Variants in KDM2B observed in about 807,000 individuals in gnomAD.
KDM2B encodes lysine demethylase 2B.
Under a neutral mutation model 150.0 loss-of-function variants are expected in KDM2B, and 26 were observed. The ratio of observed to expected loss-of-function variants is 0.17; its 90% CI spans 0.13 to 0.24. The LOEUF is 0.24. KDM2B is among the 10% of genes least tolerant of loss of function. The pLI, the probability that KDM2B is intolerant of heterozygous loss-of-function variation, is 1.00. For synonymous variants in KDM2B, 734 were observed against 729.5 expected (o/e 1.01, Z -0.10); for missense variants, 1,265 against 1,816.9 (o/e 0.70, Z 5.52).
rs1877975424 is a variant in KDM2B, at chr12:121,454,864, G to T, written c.1735-1520C>A. On this transcript the variant is annotated intron_variant, in intron 12 of 22. Transcript: ENST00000377071. ...GCTGTTACTATTCATACACTCCAATGGAGAAGAAGGTCCACATCACAGGGA... is the reference window on the plus strand; with the variant it reads ...GCTGTTACTATTCATACACTCCAATTGAGAAGAAGGTCCACATCACAGGGA... Among the ~76,000 whole-genome samples, 5 of 152,202 alleles carry T rather than the reference G, an allele frequency of 3.3e-5. No homozygotes were observed. In the South Asian group the frequency reaches 1.0e-3, roughly 32 times the overall value.
chr12:121,535,550 C>T lies in KDM2B; in HGVS notation c.684-960G>A, dbSNP rs560260919. 3.3e-5 allele frequency among the ~76,000 whole-genome samples: 5 copies of T among 152,234 alleles called. No individual in the cohort carries two copies. In the South Asian group the frequency reaches 1.0e-3, roughly 32 times the overall value. ...AATTGTACACTTTTACATGGGTGAA[C>T]GGTCTGTGAATTATGTCTCAGTAAG... On this transcript the variant is annotated intron_variant, in intron 6 of 22. Transcript: ENST00000377071.
At position 121,581,018 on chromosome 12, in the gene KDM2B, A is replaced by G. The variant is rs1473643633; in HGVS notation, c.-107T>C. The G allele has an allele frequency of 2.1e-6, 3 of 1,444,978 alleles. No homozygotes were observed. In the African/African-American group the frequency reaches 4.3e-5, roughly 21 times the overall value. The allele number at this position is 1,444,978 out of a possible 1,614,324, so 89.5% of individuals were successfully genotyped here. A position where few individuals can be genotyped will look rare whatever the true frequency, so the allele number is the denominator to read the frequency against. On this transcript the variant is annotated 5_prime_UTR_variant, in exon 1 of 23. Coordinates refer to ENST00000377071, the MANE Select transcript of KDM2B (RefSeq NM_032590.5). ...GGCACTCAAAGATGTGGACACACAC[A>G]CGTACAGGAAATACAGCCAGACCAG...
At chr12:121,524,434 G>A (rs1300882274) in intron 8 of KDM2B, among the ~76,000 whole-genome samples, 1 of 152,204 alleles carries the variant, frequency 6.6e-6, no homozygotes, top group African/African-American at 2.4e-5. Context: ...GAACACAGAG[G>A]AGAGCTGCTG....
intron 2 of KDM2B, among the ~76,000 whole-genome samples, chr12:121,578,253 C>T (rs1296454526): frequency 1.3e-5 from 2 of 152,204 alleles, no homozygotes; most frequent in Non-Finnish European, 2.9e-5. Flanking sequence ...CTGGCAGAGC[C>T]CATGGGGGAA....
At chr12:121,417,736 T>A in the KDM2B span, 1 of 1,614,190 alleles carries the variant, frequency 6.2e-7, no homozygotes, top group East Asian at 2.2e-5. The surrounding 1 kb of genome is among the most constrained non-coding windows in gnomAD (Gnocchi z 5.0). Flanking sequence ...CATCATGGAC[T>A]AGGCTCTGAG....
chr12:121,489,801 T>A (rs1228155291), intron 12 of KDM2B, among the ~76,000 whole-genome samples: 2 of 152,106 alleles, frequency 1.3e-5, no homozygotes, highest in Non-Finnish European at 2.9e-5. Flanking sequence ...ATGTGCTACG[T>A]CAAGTGCGGG....
intron 4 of KDM2B, among the ~76,000 whole-genome samples, chr12:121,552,754 C>T (rs1187655065): frequency 1.3e-5 from 2 of 151,922 alleles, no homozygotes; most frequent in Non-Finnish European, 2.9e-5. Flanking sequence ...GCAGTGGATC[C>T]AGGGGAAAGC....
chr12:121,518,856 G>C lies in KDM2B; in HGVS notation c.1047+2129C>G, dbSNP rs1414992425. On this transcript the variant is annotated intron_variant, in intron 9 of 22. Coordinates refer to ENST00000377071, the MANE Select transcript of KDM2B (RefSeq NM_032590.5). The surrounding 1 kb of genome is among the most constrained non-coding windows in gnomAD (Gnocchi z 4.4). ...CAAACTGGCCTGTACTCCAGGACAGGCCAAAGAACAGTTGGCCGGAGCCCC... is the reference window on the plus strand; with the variant it reads ...CAAACTGGCCTGTACTCCAGGACAGCCCAAAGAACAGTTGGCCGGAGCCCC... Among the ~76,000 whole-genome samples the C allele has an allele frequency of 6.6e-6, 1 of 152,136 alleles. No homozygotes were observed. Among genetic ancestry groups the C allele is most frequent in the Non-Finnish European group, 1.5e-5 (1 of 68,018 alleles).
chr12:121,490,973 T>C (rs558096896), intron 12 of KDM2B, among the ~76,000 whole-genome samples: 16 of 152,298 alleles, frequency 1.1e-4, no homozygotes, highest in Non-Finnish European at 1.8e-4. Context: ...CCTTGATCTT[T>C]CACCCCAACC....
At chr12:121,501,708 C>T (rs1462892867) in intron 11 of KDM2B, among the ~76,000 whole-genome samples, 5 of 151,994 alleles carry the variant, frequency 3.3e-5, no homozygotes, top group Non-Finnish European at 5.9e-5. Context: ...GCAACCTCCG[C>T]CTCCTGGGTT....
intron 6 of KDM2B, among the ~76,000 whole-genome samples, chr12:121,541,873 T>C (rs1888639446): frequency 1.3e-5 from 2 of 152,062 alleles, no homozygotes; most frequent in South Asian, 4.2e-4. Context: ...CTAATCCACT[T>C]CTGGAATCTA....
intron 4 of KDM2B, 104 bp downstream of exon 4, chr12:121,574,443 T>G: frequency 9.3e-7 from 1 of 1,076,600 alleles, no homozygotes; most frequent in South Asian, 1.4e-5. Flanking sequence ...CGTGGGGACT[T>G]TGTTTTGAGA....
chr12:121,541,213 C>T (rs1354239723), intron 6 of KDM2B, among the ~76,000 whole-genome samples: 1 of 151,898 alleles, frequency 6.6e-6, no homozygotes, highest in Non-Finnish European at 1.5e-5. Context: ...GCCTGGGCAA[C>T]AAGAGTGAAA....
intron 12 of KDM2B, among the ~76,000 whole-genome samples, chr12:121,454,286 G>A (rs553518474): frequency 6.6e-6 from 1 of 152,328 alleles, no homozygotes; most frequent in East Asian, 1.9e-4. Context: ...ACAAACCAGA[G>A]CCACCCCAGG....
rs112592561 is a variant in KDM2B, at chr12:121,556,603, C to T, written c.398-6965G>A. Among the ~76,000 whole-genome samples the T allele has an allele frequency of 3.4e-3, 515 of 152,288 alleles. 3 individuals are homozygous for T. The highest frequency in any genetic ancestry group is 0.012 in the African/African-American group (496 of 41,560). On this transcript the variant is annotated intron_variant, in intron 4 of 22. Transcript: ENST00000377071. ...CCATGGCTCAAGCCTGTAATCCCAG[C>T]ACTTTGGGAGGCCGAGGCAAGTGGA...
chr12:121,581,093 A>ATTCG (rs1350840331), upstream of KDM2B: 2 of 732,394 alleles, frequency 2.7e-6, no homozygotes, highest in Non-Finnish European at 4.1e-6. Context: ...TCATTCATTC[A>ATTCG]TTCTGCCCGC....
At chr12:121,546,770 A>T (rs1268193851) in intron 6 of KDM2B, among the ~76,000 whole-genome samples, 1 of 148,480 alleles carries the variant, frequency 6.7e-6, no homozygotes, top group African/African-American at 2.5e-5. Context: ...CAGTGATGCC[A>T]TCTCGGCTCA....
rs548442746 is a variant in KDM2B, at chr12:121,569,588, T to A, written c.397+4959A>T. 5.3e-5 allele frequency among the ~76,000 whole-genome samples: 8 copies of A among 152,294 alleles called. No individual in the cohort carries two copies. The South Asian group carries it at 1.0e-3, about 20-fold the overall frequency. On this transcript the variant is annotated intron_variant, in intron 4 of 22. Transcript: ENST00000377071. ...TTGCTTAGGACAGCTAGAGTTACAT[T>A]TGTCACTTAGGTCACTTATAACAAA... is the stretch of plus-strand genomic sequence containing the variant.
intron 22 of KDM2B, among the ~76,000 whole-genome samples, chr12:121,439,429 G>A (rs1555287583): frequency 2.7e-5 from 4 of 145,790 alleles, no homozygotes; most frequent in East Asian, 2.0e-4. Flanking sequence ...CACATAGGCT[G>A]GAGTGCAGTG....
Sources: allele counts gnomAD v4.1 joint callset (sites outside exome capture counted in the v4.1 genomes callset), GRCh38; gene constraint gnomAD v4.1.1; non-coding constraint Gnocchi (gnomAD v3.1); transcripts MANE v1.5; gene names NCBI Gene and HGNC (gene_info 2026-07-23, HGNC 2026-07-21).